GALNT2: variants seen among roughly 807,000 people sequenced by gnomAD.
The protein encoded by GALNT2 is UDP-GalNAc:polypeptide N-acetylgalactosaminyltransferase 2.
A neutral mutation model predicts 81.4 loss-of-function variants in GALNT2; 31 were observed. That is an observed-to-expected ratio of 0.38 (90% CI 0.29 to 0.51). The LOEUF (loss-of-function observed/expected upper bound fraction) is 0.51. GALNT2 is among the 20% of genes least tolerant of loss of function. The probability of loss-of-function intolerance (pLI) is 0.87; values close to 1 mark genes in which losing one functional copy is unlikely to be tolerated. For synonymous variants in GALNT2, 303 were observed against 287.4 expected, an observed-to-expected ratio of 1.05 and a Z score of -0.55; for missense variants, 629 against 765.7, an observed-to-expected ratio of 0.82 and a Z score of 2.11.
At position 230,279,836 on chromosome 1, in the gene GALNT2, C is replaced by T. The variant is rs1401402266; in HGVS notation, c.*378C>T. The T allele has an allele frequency of 6.3e-6, 3 of 475,592 alleles. No homozygotes were observed. The highest frequency in any genetic ancestry group is 1.3e-4 in the East Asian group (2 of 15,694). The allele number at this position is 475,592 out of a possible 1,614,324, so 29.5% of individuals were successfully genotyped here. Reference sequence around the variant, plus strand: ...GAGGACAGGGCGGGAGGAGGGGGCACACATGCCCCAGGGGAGCGAGGAGAA... The same window carrying T: ...GAGGACAGGGCGGGAGGAGGGGGCATACATGCCCCAGGGGAGCGAGGAGAA... On this transcript the variant is annotated 3_prime_UTR_variant, in exon 16 of 16. Transcript: ENST00000366672. The surrounding 1 kb of genome is among the most constrained non-coding windows in gnomAD (Gnocchi z 4.6).
intron 3 of GALNT2, among the ~76,000 whole-genome samples, chr1:230,225,623 C>T (rs978397243): frequency 6.6e-6 from 1 of 150,644 alleles, no homozygotes; most frequent in Non-Finnish European, 1.5e-5. Flanking sequence ...CACAGGGGGT[C>T]AGATTGTGGT....
intron 1 of GALNT2, among the ~76,000 whole-genome samples, chr1:230,159,151 G>A (rs1275886561): frequency 6.6e-6 from 1 of 152,182 alleles, no homozygotes; most frequent in East Asian, 1.9e-4. Context: ...ACCCAGCCGT[G>A]GGAAAGGACG....
intron 11 of GALNT2, chr1:230,262,293 C>T (rs1665900191): frequency 5.0e-6 from 2 of 403,532 alleles, no homozygotes; most frequent in Non-Finnish European, 4.4e-6. Flanking sequence ...AATATTGGCT[C>T]GTGCTGTAAT....
chr1:230,262,451 C>A, intron 11 of GALNT2, 122 bp from the exon 12 acceptor site: 1 of 786,826 alleles, frequency 1.3e-6, no homozygotes, highest in East Asian at 2.5e-5. Flanking sequence ...GCCGTGATCC[C>A]AGCTGGAGCT....
intron 6 of GALNT2, among the ~76,000 whole-genome samples, chr1:230,240,971 A>G (rs1029001835): frequency 6.6e-6 from 1 of 152,166 alleles, no homozygotes. Context: ...TCATTCTGCC[A>G]TCTCCATTTT....
intron 14 of GALNT2, among the ~76,000 whole-genome samples, chr1:230,273,978 A>G (rs1400008961): frequency 1.3e-5 from 2 of 152,244 alleles, no homozygotes; most frequent in Non-Finnish European, 2.9e-5. Flanking sequence ...GTTATTTACT[A>G]CAGTTCACAT....
chr1:230,245,743 G>C (rs2102744084), intron 7 of GALNT2, among the ~76,000 whole-genome samples: 1 of 152,320 alleles, frequency 6.6e-6, no homozygotes, highest in East Asian at 1.9e-4. Context: ...CAGCAACACA[G>C]TTTTTGCCTT....
rs184656192 is a variant in GALNT2 at position 230,132,034 on chromosome 1, G to C, written c.127-46184G>C. ...AAATAGGAAGGGCTGTAGAAGCTTAGGGGGGCTGCCTTTGCTCACTAGAAG... is the reference window on the plus strand; with the variant it reads ...AAATAGGAAGGGCTGTAGAAGCTTACGGGGGCTGCCTTTGCTCACTAGAAG... On this transcript the variant is annotated intron_variant, in intron 1 of 15. Coordinates refer to ENST00000366672, the MANE Select transcript of GALNT2 (RefSeq NM_004481.5). Among the ~76,000 whole-genome samples, 412 of 152,228 alleles carry C rather than the reference G, an allele frequency of 2.7e-3. 1 individual carries two copies. Among genetic ancestry groups the C allele is most frequent in the Non-Finnish European group, 4.9e-3 (333 of 68,004 alleles).
At chr1:230,151,438 G>A (rs1662090762) in intron 1 of GALNT2, among the ~76,000 whole-genome samples, 1 of 152,234 alleles carries the variant, frequency 6.6e-6, no homozygotes, top group South Asian at 2.1e-4. Context: ...TGGGGCACAG[G>A]ATGATGCCCT....
chr1:230,199,564 G>A lies in GALNT2; in HGVS notation c.221-3573G>A, dbSNP rs975382265. 2.0e-5 allele frequency among the ~76,000 whole-genome samples: 3 copies of A among 152,158 alleles called. No homozygotes were observed. In the East Asian group the frequency reaches 5.8e-4, roughly 29 times the overall value. ...GTATTGTGAGACTTTTGTATCAGTT[G>A]GGTGTGTATGTTTGCATTGTGACAC... On this transcript the variant is annotated intron_variant, in intron 2 of 15. Transcript: ENST00000366672.
In GALNT2 at chr1:230,243,520, G is replaced by GA. The variant is rs1665267415; in HGVS notation, c.729+94dup. ...TGGTCCAGGGGAGGTGTAACGCAGG[G>GA]AGTAGGGCGTCAGGGCTGGTAGGGG... On this transcript the variant is annotated intron_variant, in intron 7 of 15. Coordinates refer to ENST00000366672, the MANE Select transcript of GALNT2 (RefSeq NM_004481.5). This position sits in a 1 kb window ranked among gnomAD's most constrained non-coding sequence, Gnocchi z 4.2. 3 of 1,489,360 alleles carry GA rather than the reference G, an allele frequency of 2.0e-6. No individual in the cohort carries two copies. The East Asian group carries it at 7.4e-5, about 37-fold the overall frequency. 92.3% of individuals were successfully genotyped at this position (1,489,360 alleles called of 1,614,324 possible). A position where few individuals can be genotyped will look rare whatever the true frequency, so the allele number is the denominator to read the frequency against.
At chr1:230,061,887 A>G (rs1441222194) in intron 1 of GALNT2, among the ~76,000 whole-genome samples, 1 of 152,214 alleles carries the variant, frequency 6.6e-6, no homozygotes, top group Non-Finnish European at 1.5e-5. Context: ...GTTCTAAAAG[A>G]GCTATAACAC....
intron 3 of GALNT2, among the ~76,000 whole-genome samples, chr1:230,209,109 T>C (rs894280627): frequency 1.3e-5 from 2 of 152,054 alleles, no homozygotes; most frequent in African/African-American, 4.8e-5. Flanking sequence ...CATACCTGCC[T>C]TCTCCATCAG....
At position 230,230,672 on chromosome 1, in the gene GALNT2, T is replaced by C. The variant is rs549998900; in HGVS notation, c.375-5342T>C. On this transcript the variant is annotated intron_variant, in intron 3 of 15. Coordinates refer to ENST00000366672, the MANE Select transcript of GALNT2 (RefSeq NM_004481.5). The stretch of plus-strand genomic sequence containing the variant: ...GGAGGCTTGGCATTGTTTATAACTT[T>C]CCTTTTTTATTTTTGACAGTATCTA... Among the ~76,000 whole-genome samples, 11 of 152,352 alleles carry C rather than the reference T, an allele frequency of 7.2e-5. No individual in the cohort carries two copies. In the East Asian group the frequency reaches 2.1e-3, roughly 29 times the overall value.
At chr1:230,067,583 T>G (rs1659235889) in intron 1 of GALNT2, among the ~76,000 whole-genome samples, 177 bp downstream of exon 1, 1 of 151,288 alleles carries the variant, frequency 6.6e-6, no homozygotes, top group Non-Finnish European at 1.5e-5. Context: ...ACCCGGCCCC[T>G]CTGCGCACGC....
intron 1 of GALNT2, among the ~76,000 whole-genome samples, chr1:230,172,658 C>T (rs530222993): frequency 8.5e-4 from 129 of 152,304 alleles, no homozygotes; most frequent in African/African-American, 2.8e-3. Flanking sequence ...ATCCCCACGG[C>T]GCCTTTCCTC....
At chr1:230,269,146 CTT>C (rs546120149) in intron 14 of GALNT2, among the ~76,000 whole-genome samples, 3 of 118,314 alleles carry the variant, frequency 2.5e-5, no homozygotes, top group Admixed American at 8.6e-5. Context: ...TTTTTTTTTT[CTT>C]TTTTTTTTTT....
rs533669000 is a variant in GALNT2, at chr1:230,265,358, G to A, written c.1431G>A (p.Gly477=). 3.7e-5 allele frequency: 60 copies of A among 1,614,212 alleles called. No homozygotes were observed. The South Asian group carries it at 6.3e-4, about 17-fold the overall frequency. The change falls in exon 14 of 16, where the codon GGG becomes GGA. Residue 477 remains glycine, a synonymous_variant. Transcript: ENST00000366672. ...VVGVYECHNA[G]GNQEWALTKE... ...GAGTTTATGAATGTCACAATGCTGGGGGAAACCAGGTATGTGCATGGGGAA... is the reference window on the plus strand; with the variant it reads ...GAGTTTATGAATGTCACAATGCTGGAGGAAACCAGGTATGTGCATGGGGAA...
Position 230,061,426 on chromosome 1 carries a change from G to GA in GALNT2, n.89+3355dup, listed in dbSNP as rs1349272805. Among the ~76,000 whole-genome samples, 6 of 151,868 alleles carry GA rather than the reference G, an allele frequency of 4.0e-5. No homozygotes were observed. The East Asian group carries it at 1.2e-3, about 29-fold the overall frequency. ...ACAATTGCTATACCCATAACACTAT[G>GA]AAAAAAATAAAGGGCTTTAAAATTC... On this transcript the variant is annotated intron_variant and non_coding_transcript_variant, in intron 1 of 6. Coordinates refer to the GALNT2 transcript ENST00000494106.
Sources: allele counts gnomAD v4.1 joint callset (sites outside exome capture counted in the v4.1 genomes callset), GRCh38; gene constraint gnomAD v4.1.1; non-coding constraint Gnocchi (gnomAD v3.1); transcripts MANE v1.5; gene names NCBI Gene and HGNC (gene_info 2026-07-23, HGNC 2026-07-21).